BAZ2B: variants seen among roughly 807,000 people sequenced by gnomAD.
BAZ2B encodes the protein bromodomain adjacent to zinc finger domain 2B.
In BAZ2B, 91 loss-of-function variants were observed where a neutral mutation model predicts 246.0. The ratio of observed to expected loss-of-function variants is 0.37; its 90% CI spans 0.31 to 0.44. The LOEUF (loss-of-function observed/expected upper bound fraction) is 0.44, where lower values mean the gene tolerates loss of function less well. BAZ2B is among the 20% of genes least tolerant of loss of function. The pLI is 1.00. For synonymous variants in BAZ2B, 855 were observed against 860.0 expected (o/e 0.99, Z 0.10); for missense variants, 2,332 against 2,533.7 (o/e 0.92, Z 1.71).
chr2:159,580,720 T>C (rs914416447), intron 1 of BAZ2B, among the ~76,000 whole-genome samples: 17 of 152,078 alleles, frequency 1.1e-4, no homozygotes, highest in Non-Finnish European at 2.2e-4. Context: ...AAAACAGACA[T>C]AGAGACCAAT....
Position 159,385,160 on chromosome 2 carries a change from C to G in BAZ2B, c.3681G>C (p.Val1227=). Reference sequence around the variant, plus strand: ...AAGCCTGGGCATATGCTCACCTGACCACACTCTTGCTGCATGCCAGTTCAT... The same window carrying G: ...AAGCCTGGGCATATGCTCACCTGACGACACTCTTGCTGCATGCCAGTTCAT... ...LINELACSKS[V]VSEIDKNIDY... Residue 1227 remains valine (V), a synonymous_variant, in exon 23 of 37, where the codon GTG becomes GTC. Coordinates refer to ENST00000392783, the MANE Select transcript of BAZ2B (RefSeq NM_013450.4). 2 of 1,611,618 alleles carry G rather than the reference C, an allele frequency of 1.2e-6. No homozygotes were observed. Among genetic ancestry groups the G allele is most frequent in the South Asian group, 1.1e-5 (1 of 91,008 alleles).
At chr2:159,462,766 A>G in intron 3 of BAZ2B, 1 of 1,413,484 alleles carries the variant, frequency 7.1e-7, no homozygotes, top group Non-Finnish European at 1.0e-6. Flanking sequence ...TTTTAGGCTG[A>G]CACTCATGGC....
the BAZ2B span, among the ~76,000 whole-genome samples, chr2:159,630,947 A>G: frequency 3.9e-5 from 6 of 152,182 alleles, no homozygotes; most frequent in African/African-American, 1.4e-4. Flanking sequence ...TAGTCCCAAC[A>G]TTTTGAGAGG....
chr2:159,383,817 T>C, intron 23 of BAZ2B, 137 bp from the exon 24 acceptor site: 1 of 665,382 alleles, frequency 1.5e-6, no homozygotes. Flanking sequence ...CTCATGCATA[T>C]ACACGTTCAT....
At chr2:159,708,147 GC>G in the BAZ2B span, among the ~76,000 whole-genome samples, 1 of 151,910 alleles carries the variant, frequency 6.6e-6, no homozygotes, top group Non-Finnish European at 1.5e-5. Context: ...AAAACAACTA[GC>G]CCCACACTGT....
chr2:159,326,059 G>A lies in BAZ2B; in HGVS notation c.5944-141C>T, dbSNP rs1006415208. On this transcript the variant is annotated intron_variant, in intron 34 of 36. Transcript: ENST00000392783. The stretch of plus-strand genomic sequence containing the variant: ...GAATGTTGATAACTATTATTCTTAA[G>A]AAAGATCTGTGTATTTTTTCCTCTC... 16 of 704,964 alleles carry A rather than the reference G, an allele frequency of 2.3e-5. No individual in the cohort carries two copies. The South Asian group carries it at 4.4e-4, about 19-fold the overall frequency. The allele number at this position is 704,964 out of a possible 1,614,324, so 43.7% of individuals were successfully genotyped here.
At position 159,574,568 on chromosome 2, in the gene BAZ2B, G is replaced by A. The variant is rs934669055; in HGVS notation, c.-45-18703C>T. Among the ~76,000 whole-genome samples the A allele has an allele frequency of 2.6e-5, 4 of 152,102 alleles. 1 individual carries two copies. Among genetic ancestry groups the A allele is most frequent in the Middle Eastern group, 3.4e-3 (1 of 294 alleles). ...CATATGTCCATAAAAAAACCTACAC[G>A]TATGTAGGTTTTGTACATGAATGTT... On this transcript the variant is annotated intron_variant, in intron 1 of 36. Transcript: ENST00000392783.
intron 13 of BAZ2B, among the ~76,000 whole-genome samples, chr2:159,416,817 T>C (rs962444449): frequency 6.6e-6 from 1 of 152,240 alleles, no homozygotes; most frequent in African/African-American, 2.4e-5. Context: ...TAATGTCTTC[T>C]GAATCTTAGA....
the BAZ2B span, among the ~76,000 whole-genome samples, chr2:159,665,825 C>T: frequency 1.5e-3 from 230 of 151,254 alleles, no homozygotes; most frequent in Admixed American, 3.1e-3. Context: ...CCATTTTACA[C>T]GTCCACCATC....
At chr2:159,679,791 G>C in the BAZ2B span, among the ~76,000 whole-genome samples, 1 of 152,164 alleles carries the variant, frequency 6.6e-6, no homozygotes, top group Admixed American at 6.5e-5. Flanking sequence ...TAAAAACCTA[G>C]GAAGGAAATG....
chr2:159,395,156 T>C (rs2063842165), intron 20 of BAZ2B, among the ~76,000 whole-genome samples: 1 of 152,172 alleles, frequency 6.6e-6, no homozygotes, highest in East Asian at 1.9e-4. Flanking sequence ...CAGGGGAACC[T>C]GTGTCTTTCA....
chr2:159,527,102 T>A (rs2084837411), intron 2 of BAZ2B, among the ~76,000 whole-genome samples: 2 of 152,086 alleles, frequency 1.3e-5, no homozygotes, highest in Admixed American at 6.6e-5. Context: ...TTAGACAGGG[T>A]CTTGCTGTGT....
At chr2:159,347,187 G>A (rs7576570) in intron 31 of BAZ2B, among the ~76,000 whole-genome samples, 139,047 of 152,178 alleles carry the variant, frequency 0.91, 64,550 homozygotes, top group Non-Finnish European at 1. Flanking sequence ...ACTGCGCATC[G>A]GAAATAATAC....
intron 2 of BAZ2B, among the ~76,000 whole-genome samples, chr2:159,542,773 C>G (rs1412862187): frequency 6.6e-6 from 1 of 151,980 alleles, no homozygotes; most frequent in Non-Finnish European, 1.5e-5. Context: ...AACTATTAAC[C>G]AAGAATTCTA....
At chr2:159,361,269 C>T (rs914258996) in intron 27 of BAZ2B, among the ~76,000 whole-genome samples, 2 of 152,100 alleles carry the variant, frequency 1.3e-5, no homozygotes, top group Admixed American at 6.5e-5. Context: ...ATATAAACAA[C>T]CCCATCAAAA....
the BAZ2B span, among the ~76,000 whole-genome samples, chr2:159,634,150 T>C: frequency 2.0e-5 from 3 of 152,252 alleles, no homozygotes; most frequent in Non-Finnish European, 4.4e-5. Context: ...TTCACATTTA[T>C]AGACAATTAT....
At chr2:159,490,280 T>A (rs1274789372) in intron 2 of BAZ2B, among the ~76,000 whole-genome samples, 1 of 152,152 alleles carries the variant, frequency 6.6e-6, no homozygotes, top group Non-Finnish European at 1.5e-5. Context: ...CTTGTTACAC[T>A]TTTCAATCCA....
chr2:159,630,025 G>C, the BAZ2B span, among the ~76,000 whole-genome samples: 1 of 152,182 alleles, frequency 6.6e-6, no homozygotes, highest in South Asian at 2.1e-4. Context: ...AAAAAACATG[G>C]TTACCTAAAA....
At chr2:159,511,324 C>T (rs1254408898) in intron 2 of BAZ2B, among the ~76,000 whole-genome samples, 2 of 152,116 alleles carry the variant, frequency 1.3e-5, no homozygotes, top group Admixed American at 1.3e-4. Context: ...CTGACTCAGC[C>T]TCCCAAGTAG....
Sources: allele counts gnomAD v4.1 joint callset (sites outside exome capture counted in the v4.1 genomes callset), GRCh38; gene constraint gnomAD v4.1.1; transcripts MANE v1.5; gene names NCBI Gene and HGNC (gene_info 2026-07-23, HGNC 2026-07-21).